ZMAT4: variants seen among roughly 807,000 people sequenced by gnomAD.
ZMAT4 encodes the protein zinc finger matrin-type protein 4.
In ZMAT4, 17 loss-of-function variants were observed where a neutral mutation model predicts 28.7. That is an observed-to-expected ratio of 0.59 (90% CI 0.41 to 0.89). ZMAT4 has a LOEUF of 0.89. ZMAT4 is among the 40% of genes least tolerant of loss of function. The probability of loss-of-function intolerance (pLI) is 0.00; values close to 1 mark genes in which losing one functional copy is unlikely to be tolerated. For missense variants in ZMAT4, 240 were observed against 283.8 expected (o/e 0.85, Z 1.11); for synonymous variants, 117 against 109.2 (o/e 1.07, Z -0.44).
intron 5 of ZMAT4, among the ~76,000 whole-genome samples, chr8:40,597,981 A>G (rs148968315): frequency 6.6e-6 from 1 of 152,356 alleles, no homozygotes; most frequent in East Asian, 1.9e-4. Context: ...TCTTCATCCC[A>G]TCAAGACAGT....
intron 1 of ZMAT4, among the ~76,000 whole-genome samples, chr8:40,835,808 C>T (rs1449963140): frequency 6.6e-6 from 1 of 152,166 alleles, no homozygotes; most frequent in African/African-American, 2.4e-5. Context: ...CAAGTGCTGT[C>T]AGTCAGCCAG....
At chr8:40,645,919 C>G (rs1374882665) in intron 5 of ZMAT4, among the ~76,000 whole-genome samples, 1 of 151,968 alleles carries the variant, frequency 6.6e-6, no homozygotes, top group Non-Finnish European at 1.5e-5. Context: ...AAGTGATACA[C>G]AGATAATACA....
intron 1 of ZMAT4, among the ~76,000 whole-genome samples, chr8:40,851,618 A>C (rs1035713092): frequency 1.3e-5 from 2 of 152,174 alleles, no homozygotes; most frequent in Non-Finnish European, 2.9e-5. Context: ...ACACATAATA[A>C]TTGCACATAT....
intron 6 of ZMAT4, among the ~76,000 whole-genome samples, chr8:40,564,645 G>A (rs1803855661): frequency 1.3e-5 from 2 of 152,150 alleles, no homozygotes; most frequent in Non-Finnish European, 2.9e-5. Context: ...ATAAGGCAGG[G>A]CCACTGTTGC....
intron 4 of ZMAT4, among the ~76,000 whole-genome samples, chr8:40,694,833 A>C (rs1370382317): frequency 2.0e-5 from 3 of 152,082 alleles, no homozygotes; most frequent in African/African-American, 4.8e-5. Context: ...AAACCTAAAA[A>C]CTATTGATCT....
At chr8:40,617,162 T>C (rs964791249) in intron 5 of ZMAT4, among the ~76,000 whole-genome samples, 2 of 152,190 alleles carry the variant, frequency 1.3e-5, no homozygotes, top group Non-Finnish European at 2.9e-5. Context: ...ATATTCTTTA[T>C]ATTATATATT....
At chr8:40,697,627 G>A (rs944832823) in intron 3 of ZMAT4, among the ~76,000 whole-genome samples, 1 of 151,900 alleles carries the variant, frequency 6.6e-6, no homozygotes, top group African/African-American at 2.4e-5. Flanking sequence ...TGTTACATAG[G>A]TATACATGTG....
intron 6 of ZMAT4, among the ~76,000 whole-genome samples, chr8:40,557,991 T>C (rs1803601776): frequency 6.6e-6 from 1 of 152,020 alleles, no homozygotes; most frequent in Admixed American, 6.6e-5. Flanking sequence ...GAGCTGAGCT[T>C]GGGTTGACAA....
At chr8:40,674,244 A>G (rs1808812008) in intron 5 of ZMAT4, 1 of 153,298 alleles carries the variant, frequency 6.5e-6, no homozygotes, top group Admixed American at 6.5e-5. Context: ...ATAGGTGCGC[A>G]CTGCCACACC....
chr8:40,600,200 T>C (rs1805252336), intron 5 of ZMAT4, among the ~76,000 whole-genome samples: 1 of 152,154 alleles, frequency 6.6e-6, no homozygotes, highest in African/African-American at 2.4e-5. Context: ...GAGAAAGGTG[T>C]TTTTTTGTTT....
At chr8:40,678,390 T>A (rs1164435835) in intron 4 of ZMAT4, among the ~76,000 whole-genome samples, 1 of 152,204 alleles carries the variant, frequency 6.6e-6, no homozygotes, top group East Asian at 1.9e-4. Context: ...CCTTTCCCCA[T>A]GAAGAAACTC....
chr8:40,787,198 T>G (rs1165871828), intron 2 of ZMAT4, among the ~76,000 whole-genome samples: 1 of 152,220 alleles, frequency 6.6e-6, no homozygotes, highest in African/African-American at 2.4e-5. Context: ...CTGAAATCAA[T>G]GACCTCAGCT....
At chr8:40,690,041 A>T (rs1394870775) in intron 4 of ZMAT4, among the ~76,000 whole-genome samples, 4 of 152,186 alleles carry the variant, frequency 2.6e-5, no homozygotes, top group African/African-American at 4.8e-5. Context: ...TTAGTCATCA[A>T]CTATAAAACA....
At chr8:40,617,147 G>C (rs1011308873) in intron 5 of ZMAT4, among the ~76,000 whole-genome samples, 1 of 151,964 alleles carries the variant, frequency 6.6e-6, no homozygotes, top group South Asian at 2.1e-4. Context: ...GTAAAGTAAA[G>C]GATCATATTC....
chr8:40,539,644 A>G (rs898647617), intron 6 of ZMAT4, among the ~76,000 whole-genome samples: 6 of 152,236 alleles, frequency 3.9e-5, no homozygotes, highest in Non-Finnish European at 7.3e-5. Context: ...TGAAGATTAA[A>G]TGATATAATG....
intron 4 of ZMAT4, among the ~76,000 whole-genome samples, chr8:40,686,004 G>A (rs553890306): frequency 1.1e-3 from 164 of 152,170 alleles, no homozygotes; most frequent in Non-Finnish European, 1.8e-3. Context: ...GAGCAACAGC[G>A]TAGGGATGGG....
chr8:40,631,014 T>C (rs1336079085), intron 5 of ZMAT4, among the ~76,000 whole-genome samples: 2 of 152,230 alleles, frequency 1.3e-5, no homozygotes, highest in East Asian at 3.9e-4. Context: ...AAATCTGGTG[T>C]GTCCTTTACA....
intron 5 of ZMAT4, among the ~76,000 whole-genome samples, chr8:40,599,216 C>G (rs1056002699): frequency 1.3e-5 from 2 of 152,090 alleles, no homozygotes; most frequent in African/African-American, 4.8e-5. Flanking sequence ...GTTATAGGCC[C>G]CTGGGGAATA....
intron 1 of ZMAT4, among the ~76,000 whole-genome samples, chr8:40,877,939 G>A (rs1473015516): frequency 6.6e-6 from 1 of 152,200 alleles, no homozygotes; most frequent in Admixed American, 6.5e-5. Context: ...ACACTGAACA[G>A]TGGAAAGCTG....
Sources: gnomAD v4.1 joint callset for allele counts (sites outside exome capture counted in the v4.1 genomes callset) on GRCh38, gnomAD v4.1.1 for gene constraint, MANE v1.5 for transcripts, NCBI Gene and HGNC (gene_info 2026-07-23, HGNC 2026-07-21) for gene names.